FAAH2: variants seen among roughly 807,000 people sequenced by gnomAD.
The protein encoded by FAAH2 is fatty acid amide hydrolase 2, also known as fatty-acid amide hydrolase 2.
A neutral mutation model predicts 36.9 loss-of-function variants in FAAH2; 60 were observed. The observed-to-expected ratio is 1.63, with a 90% confidence interval of 1.32 to 2.02. The LOEUF (loss-of-function observed/expected upper bound fraction) is 2.02. Ranked by LOEUF, FAAH2 falls within the 30% of genes most tolerant of loss-of-function variation. The probability of loss-of-function intolerance (pLI) is 0.00; values close to 1 mark genes in which losing one functional copy is unlikely to be tolerated. For synonymous variants in FAAH2, 214 were observed against 143.8 expected, an observed-to-expected ratio of 1.49 and a Z score of -3.49; for missense variants, 689 against 397.5, an observed-to-expected ratio of 1.73 and a Z score of -6.23.
chrX:57,443,998 C>G (rs2056620177), intron 8 of FAAH2, among the ~76,000 whole-genome samples: 1 of 111,810 alleles, frequency 8.9e-6, no homozygotes. Context: ...GCATCCAGCT[C>G]TGTAAGATGT....
chrX:57,465,386 G>A (rs778056702), intron 10 of FAAH2, among the ~76,000 whole-genome samples: 1 of 111,339 alleles, frequency 9.0e-6, no homozygotes, highest in Non-Finnish European at 1.9e-5. Flanking sequence ...CAAACTCTAA[G>A]TAGGACAAAT....
chrX:57,225,644 C>G, the FAAH2 span, among the ~76,000 whole-genome samples: 1 of 111,749 alleles, frequency 8.9e-6, no homozygotes, highest in African/African-American at 3.3e-5. Context: ...CTGTAGATAT[C>G]TGTTAAGTCC....
intron 2 of FAAH2, among the ~76,000 whole-genome samples, chrX:57,301,012 T>A (rs1489595707): frequency 9.0e-6 from 1 of 111,043 alleles, no homozygotes; most frequent in Non-Finnish European, 1.9e-5. Context: ...ACAATGTTGG[T>A]GGGACTGTAA....
chrX:57,422,753 A>G (rs2056068859), intron 7 of FAAH2, among the ~76,000 whole-genome samples: 2 of 111,649 alleles, frequency 1.8e-5, no homozygotes, highest in Non-Finnish European at 3.8e-5. Context: ...GGACACAAGG[A>G]CACTCTGGGA....
the FAAH2 span, among the ~76,000 whole-genome samples, chrX:57,215,911 A>G: frequency 9.3e-5 from 4 of 42,868 alleles, no homozygotes; most frequent in Admixed American, 2.9e-4. Context: ...GCACTCATAT[A>G]TATATATATA....
At chrX:57,481,192 A>G (rs1459617772) in intron 10 of FAAH2, among the ~76,000 whole-genome samples, 1 of 110,750 alleles carries the variant, frequency 9.0e-6, no homozygotes, top group Non-Finnish European at 1.9e-5. Context: ...GAACATGCTC[A>G]TTTAGCTCAG....
At chrX:57,232,644 C>T in the FAAH2 span, among the ~76,000 whole-genome samples, 1 of 112,162 alleles carries the variant, frequency 8.9e-6, no homozygotes, top group African/African-American at 3.2e-5. Context: ...TAGACATATT[C>T]AATTCTGTAT....
intron 1 of FAAH2, among the ~76,000 whole-genome samples, chrX:57,291,935 C>G (rs180903720): frequency 9.0e-6 from 1 of 111,067 alleles, no homozygotes; most frequent in Non-Finnish European, 1.9e-5. Flanking sequence ...AGATAAATAA[C>G]AAATAGATTT....
intron 5 of FAAH2, among the ~76,000 whole-genome samples, chrX:57,344,297 G>T (rs780389629): frequency 3.6e-5 from 4 of 110,320 alleles, no homozygotes; most frequent in African/African-American, 9.9e-5. Flanking sequence ...GTATTTTGTT[G>T]TTCTTTTTGT....
At chrX:57,231,026 C>T in the FAAH2 span, among the ~76,000 whole-genome samples, 1 of 75,036 alleles carries the variant, frequency 1.3e-5, no homozygotes, top group East Asian at 4.2e-4. Context: ...ATATCTTCCT[C>T]CAAAGGAAGT....
rs1421047667 is a variant in FAAH2 at position 57,448,697 on chromosome X, C to A, written c.1402C>A (p.Pro468Thr). ...TAAGCATCATGTCCCTCTAACACGG[C>A]CTTTCAACTTTGCTTACACAGGTAC... is the stretch of plus-strand genomic sequence containing the variant. ...APKHHVPLTR[P>T]FNFAYTGVFS... The change falls in exon 10 of 11, where the codon CCT becomes ACT. Residue 468 changes from proline (P) to threonine (T), a missense_variant. By Grantham distance (38) the Pro-to-Thr change is conservative. Coordinates refer to ENST00000374900, the MANE Select transcript of FAAH2 (RefSeq NM_174912.4). The A allele has an allele frequency of 8.3e-7, 1 of 1,206,769 alleles. No homozygotes were observed. The highest frequency in any genetic ancestry group is 1.8e-5 in the African/African-American group (1 of 57,089).
chrX:57,324,073 C>A (rs1363334950), intron 3 of FAAH2, among the ~76,000 whole-genome samples: 2 of 111,810 alleles, frequency 1.8e-5, no homozygotes, highest in Non-Finnish European at 3.8e-5. Flanking sequence ...AGCCAGTTTT[C>A]CCAGCACCAT....
the FAAH2 span, among the ~76,000 whole-genome samples, chrX:57,270,898 C>A: frequency 6.2e-5 from 7 of 112,132 alleles, no homozygotes; most frequent in Non-Finnish European, 1.1e-4. Flanking sequence ...AACTGGGTGG[C>A]CAGTTGGGCA....
chrX:57,366,590 A>C (rs1188521043), intron 5 of FAAH2, among the ~76,000 whole-genome samples: 1 of 112,399 alleles, frequency 8.9e-6, no homozygotes, highest in South Asian at 3.7e-4. Flanking sequence ...ACGCATGTGC[A>C]TGCTGGCAGG....
chrX:57,123,850 G>A, the FAAH2 span, among the ~76,000 whole-genome samples: 3 of 111,786 alleles, frequency 2.7e-5, no homozygotes, highest in African/African-American at 6.5e-5. Context: ...TGATGGGGTT[G>A]TTTGTTTTTT....
the FAAH2 span, among the ~76,000 whole-genome samples, chrX:57,174,410 G>A: frequency 3.7e-4 from 41 of 110,802 alleles, no homozygotes; most frequent in African/African-American, 1.3e-3. Context: ...ATAATCCTTT[G>A]CATTATTATG....
chrX:57,122,477 C>CA, the FAAH2 span, among the ~76,000 whole-genome samples: 2 of 111,101 alleles, frequency 1.8e-5, no homozygotes, highest in African/African-American at 3.3e-5. Flanking sequence ...GAAAGCTTTG[C>CA]AAAAAAATAA....
chrX:57,319,415 T>A (rs1306030233), intron 3 of FAAH2, among the ~76,000 whole-genome samples: 1 of 111,540 alleles, frequency 9.0e-6, no homozygotes, highest in Non-Finnish European at 1.9e-5. Context: ...TGAACTCCCA[T>A]TCACAATTGC....
chrX:57,276,944 AC>A, the FAAH2 span, among the ~76,000 whole-genome samples: 2 of 111,690 alleles, frequency 1.8e-5, no homozygotes, highest in South Asian at 7.6e-4. Context: ...TAGTTTACCA[AC>A]CAAAAAAAGT....
Sources: gnomAD v4.1 joint callset for allele counts (sites outside exome capture counted in the v4.1 genomes callset) on GRCh38, gnomAD v4.1.1 for gene constraint, MANE v1.5 for transcripts, NCBI Gene and HGNC (gene_info 2026-07-23, HGNC 2026-07-21) for gene names.